Variants in DNAAF1 observed in about 807,000 individuals in gnomAD.
DNAAF1 encodes the protein dynein assembly factor 1, axonemal.
A neutral mutation model predicts 71.1 loss-of-function variants in DNAAF1; 65 were observed. The observed-to-expected ratio is 0.91, with a 90% CI of 0.75 to 1.12. The LOEUF (loss-of-function observed/expected upper bound fraction) is 1.12, where lower values mean the gene tolerates loss of function less well. Ranked by LOEUF, DNAAF1 falls within the 50% of genes most tolerant of loss-of-function variation. DNAAF1 has a pLI of 0.00. For missense variants in DNAAF1, 1,178 were observed against 899.8 expected, an observed-to-expected ratio of 1.31 and a Z score of -3.96; for synonymous variants, 414 against 354.6, an observed-to-expected ratio of 1.17 and a Z score of -1.88.
At chr16:84,165,253 T>C (rs2087914423) in intron 6 of DNAAF1, among the ~76,000 whole-genome samples, 1 of 152,228 alleles carries the variant, frequency 6.6e-6, no homozygotes, top group South Asian at 2.1e-4. Context: ...GTGTCATCTT[T>C]TTATTAATGA....
At chr16:84,173,110 C>T (rs2088454114) in intron 9 of DNAAF1, 3 of 986,124 alleles carry the variant, frequency 3.0e-6, no homozygotes, top group Non-Finnish European at 3.6e-6. Context: ...CCTTGTTAAA[C>T]TTCTTCTAAA....
intron 8 of DNAAF1, among the ~76,000 whole-genome samples, chr16:84,170,823 C>A (rs2088292100): frequency 6.6e-6 from 1 of 151,576 alleles, no homozygotes. Flanking sequence ...CAGAGTGAGA[C>A]CCTCCCTCAA....
chr16:84,146,375 G>A (rs894655174), intron 1 of DNAAF1, among the ~76,000 whole-genome samples: 1 of 152,054 alleles, frequency 6.6e-6, no homozygotes, highest in African/African-American at 2.4e-5. Flanking sequence ...TTGGTTCTGG[G>A]GTCAGTGTGT....
intron 2 of DNAAF1, 73 bp from the exon 3 acceptor site, chr16:84,150,178 T>C: frequency 2.6e-6 from 3 of 1,167,132 alleles, no homozygotes; most frequent in Non-Finnish European, 3.9e-6. Context: ...ATGGATGTGG[T>C]AAAGAACTGT....
Position 84,177,735 on chromosome 16 carries a change from C to A in DNAAF1, c.2072C>A (p.Thr691Asn). 1 of 1,613,822 alleles carries A rather than the reference C, an allele frequency of 6.2e-7. No individual in the cohort carries two copies. The highest frequency in any genetic ancestry group is 8.5e-7 in the Non-Finnish European group (1 of 1,179,906). Reference protein sequence around the residue: ...DFLAASSPVPTESAATPPETC... With the variant: ...DFLAASSPVPNESAATPPETC... ...GTCACCCTTCCTTCCACAGTGCCGACTGAGAGCGCCGCCACACCCCCAGAG... is the reference window on the plus strand; with the variant it reads ...GTCACCCTTCCTTCCACAGTGCCGAATGAGAGCGCCGCCACACCCCCAGAG... Residue 691 changes from threonine (T) to asparagine (N), a missense_variant, in exon 12 of 12, where the codon ACT becomes AAT. Transcript: ENST00000378553.
intron 5 of DNAAF1, among the ~76,000 whole-genome samples, chr16:84,156,152 AG>A (rs1339207028): frequency 1.3e-5 from 2 of 152,062 alleles, no homozygotes; most frequent in Non-Finnish European, 2.9e-5. Context: ...TAGTAGATTC[AG>A]GGTTTCATCA....
Position 84,169,748 on chromosome 16 carries a change from C to G in DNAAF1, c.1031-111C>G, listed in dbSNP as rs1034271945. ...TTGAGGACACTTTTTTAACTGTGTT[C>G]CTGACCTTTTCCCTGGTCTCAGAAG... On this transcript the variant is annotated intron_variant, in intron 7 of 11. Transcript: ENST00000378553. 3.3e-6 allele frequency: 5 copies of G among 1,492,678 alleles called. No individual in the cohort carries two copies. The African/African-American group carries it at 5.5e-5, about 17-fold the overall frequency. The allele number at this position is 1,492,678 out of a possible 1,614,324, so 92.5% of individuals were successfully genotyped here. A position where few individuals can be genotyped will look rare whatever the true frequency, so the allele number is the denominator to read the frequency against.
In DNAAF1 at chr16:84,150,333, C is replaced by T. The variant is rs2087125162; in HGVS notation, c.343C>T (p.His115Tyr). The change falls in exon 3 of 12, where the codon CAC becomes TAC. Residue 115 changes from histidine (H) to tyrosine (Y), a missense_variant. Transcript: ENST00000378553. ...TPALNDTLYL[H>Y]FKGFDRIENL... ...AGCATTGAATGATACGCTGTATTTA[C>T]ACTTTAAAGGTAAGGACCTAAGAGA... 1 of 1,611,100 alleles carries T rather than the reference C, an allele frequency of 6.2e-7. No individual in the cohort carries two copies. The highest frequency in any genetic ancestry group is 1.3e-5 in the African/African-American group (1 of 74,856).
At chr16:84,176,366 AG>A (rs1253215776) in intron 11 of DNAAF1, 67 bp downstream of exon 11, 1 of 1,606,900 alleles carries the variant, frequency 6.2e-7, no homozygotes, top group African/African-American at 1.3e-5. Context: ...TGGGTGGGGC[AG>A]GGCAGTCACT....
chr16:84,172,268 C>T lies in DNAAF1; in HGVS notation c.1537C>T (p.Pro513Ser), dbSNP rs561606647. Residue 513 changes from proline to serine, a missense_variant, in exon 9 of 12, where the codon CCC becomes TCC. By Grantham distance (74) the Pro-to-Ser change is moderately conservative (BLOSUM62 -1). Coordinates refer to ENST00000378553, the MANE Select transcript of DNAAF1 (RefSeq NM_178452.6). ...TTGTTGTTGCTCTTTAGAACCGACT[C>T]CCCAGGCTGTGGCCACTGAGGGTGT... ...PLGAAREEPT[P>S]QAVATEGVFV... 6.2e-7 allele frequency: 1 copy of T among 1,613,956 alleles called. No individual in the cohort carries two copies. The highest frequency in any genetic ancestry group is 8.5e-7 in the Non-Finnish European group (1 of 1,179,964).
intron 1 of DNAAF1, among the ~76,000 whole-genome samples, chr16:84,147,381 CTTAAAG>C (rs1362118068): frequency 1.3e-5 from 2 of 152,158 alleles, no homozygotes; most frequent in Admixed American, 6.5e-5. Flanking sequence ...GACAACAGCT[CTTAAAG>C]TTAAGTGCGG....
chr16:84,159,140 G>C, intron 5 of DNAAF1: 1 of 995,450 alleles, frequency 1.0e-6, no homozygotes, highest in Non-Finnish European at 1.2e-6. Context: ...CCTCCTCCCT[G>C]GTCCTAAGTG....
At chr16:84,149,706 A>AC (rs2087093889) in intron 2 of DNAAF1, among the ~76,000 whole-genome samples, 2 of 150,032 alleles carry the variant, frequency 1.3e-5, no homozygotes, top group South Asian at 4.2e-4. Context: ...AAAAAAAAAA[A>AC]AAACATACAT....
At position 84,169,992 on chromosome 16, in the gene DNAAF1, G is replaced by A. The variant is rs1276840601; in HGVS notation, c.1164G>A (p.Glu388=). Residue 388 remains glutamate, a synonymous_variant, in exon 8 of 12, where the codon GAG becomes GAA. Coordinates refer to ENST00000378553, the MANE Select transcript of DNAAF1 (RefSeq NM_178452.6). Reference sequence around the variant, plus strand: ...AGGAAAGCTTTGAGGCCAAGGACGAGCTCTGCCCGGAAAAGCCAAGTGGAG... The same window carrying A: ...AGGAAAGCTTTGAGGCCAAGGACGAACTCTGCCCGGAAAAGCCAAGTGGAG... ...FVKESFEAKD[E]LCPEKPSGEE... 3 of 1,613,992 alleles carry A rather than the reference G, an allele frequency of 1.9e-6. No homozygotes were observed. The highest frequency in any genetic ancestry group is 2.2e-5 in the South Asian group (2 of 91,080).
chr16:84,173,387 C>T (rs567565012), intron 9 of DNAAF1: 1 of 731,586 alleles, frequency 1.4e-6, no homozygotes, highest in East Asian at 1.3e-4. Flanking sequence ...TGGCAGGAAC[C>T]TGGGAGGTGG....
chr16:84,155,719 C>G lies in DNAAF1; in HGVS notation c.711C>G (p.Ile237Met). 6.2e-7 allele frequency: 1 copy of G among 1,614,064 alleles called. No individual in the cohort carries two copies. The highest frequency in any genetic ancestry group is 8.5e-7 in the Non-Finnish European group (1 of 1,180,030). Reference sequence around the variant, plus strand: ...ACAACAAGCTGAGTGACCCGGAGATCCTGAGCATTCTGGAAAGCATGCCCG... The same window carrying G: ...ACAACAAGCTGAGTGACCCGGAGATGCTGAGCATTCTGGAAAGCATGCCCG... ...LSHNKLSDPEILSILESMPDL... is the reference protein window; with the variant it reads ...LSHNKLSDPEMLSILESMPDL... The change falls in exon 5 of 12, where the codon ATC (isoleucine) becomes ATG (methionine). Residue 237 changes from isoleucine to methionine, a missense_variant. Coordinates refer to ENST00000378553, the MANE Select transcript of DNAAF1 (RefSeq NM_178452.6).
At chr16:84,163,377 CT>C (rs1025309160) in intron 6 of DNAAF1, among the ~76,000 whole-genome samples, 1 of 131,770 alleles carries the variant, frequency 7.6e-6, no homozygotes, top group Admixed American at 8.1e-5. Context: ...CTCTCTCTCT[CT>C]TTTTCTTTTT....
chr16:84,149,600 A>T (rs1326578762), intron 2 of DNAAF1, among the ~76,000 whole-genome samples: 1 of 148,072 alleles, frequency 6.8e-6, no homozygotes, highest in African/African-American at 2.5e-5. Flanking sequence ...CTGAGGCAGG[A>T]GGATCGCTTG....
chr16:84,170,942 A>G (rs1308860021), intron 8 of DNAAF1, among the ~76,000 whole-genome samples: 1 of 152,280 alleles, frequency 6.6e-6, no homozygotes, highest in African/African-American at 2.4e-5. Flanking sequence ...AATCATGTTA[A>G]CATGGAATCA....
Sources: gnomAD v4.1 joint callset for allele counts (sites outside exome capture counted in the v4.1 genomes callset) on GRCh38, gnomAD v4.1.1 for gene constraint, MANE v1.5 for transcripts, NCBI Gene and HGNC (gene_info 2026-07-23, HGNC 2026-07-21) for gene names.